LRP12: variants seen among roughly 807,000 people sequenced by gnomAD.
The protein encoded by LRP12 is low-density lipoprotein receptor-related protein 12.
LRP12 carries 14 observed loss-of-function variants against 66.0 expected under a neutral mutation model. That is an observed-to-expected ratio of 0.21 (90% CI 0.14 to 0.33). The LOEUF is 0.33. Ranked by LOEUF, LRP12 falls within the 10% of genes least tolerant of loss-of-function variation. The pLI is 1.00. For synonymous variants in LRP12, 357 were observed against 359.1 expected (o/e 0.99, Z 0.07); for missense variants, 889 against 1,053.4 (o/e 0.84, Z 2.16).
intron 1 of LRP12, among the ~76,000 whole-genome samples, chr8:104,556,557 C>G (rs1811811550): frequency 6.6e-6 from 1 of 151,884 alleles, no homozygotes; most frequent in South Asian, 2.1e-4. Context: ...GAATAAATTC[C>G]TGAAAAATAG....
Position 104,497,417 on chromosome 8 carries a change from C to T in LRP12, c.1135G>A (p.Glu379Lys). ...YQVDGFCLPW[E>K]IPCGGNWGCY... Reference sequence around the variant, plus strand: ...CCCCAGTTACCTCCACAGGGTATTTCCCATGGCAAACAGAACCCATCTACT... The same window carrying T: ...CCCCAGTTACCTCCACAGGGTATTTTCCATGGCAAACAGAACCCATCTACT... Residue 379 changes from glutamate (E) to lysine (K), a missense_variant, in exon 5 of 7, where the codon GAA becomes AAA. This residue lies in a region of LRP12 where 800 missense variants were observed against 964.5 expected (regional missense o/e 0.83). Coordinates refer to ENST00000276654, the MANE Select transcript of LRP12 (RefSeq NM_013437.5). This position sits in a 1 kb window ranked among gnomAD's most constrained non-coding sequence, Gnocchi z 4.3. The T allele has an allele frequency of 1.2e-6, 2 of 1,614,102 alleles. No individual in the cohort carries two copies. The highest frequency in any genetic ancestry group is 2.7e-5 in the African/African-American group (2 of 75,036).
chr8:104,491,324 A>G lies in LRP12; in HGVS notation c.1929T>C (p.Thr643=). 6.2e-7 allele frequency: 1 copy of G among 1,614,160 alleles called. No individual in the cohort carries two copies. Among genetic ancestry groups the G allele is most frequent in the East Asian group, 2.2e-5 (1 of 44,882 alleles). ...ACTCCACGGAAAACAAACTTCTGTG[A>G]GTATGATTTCTCTCAGGTTCTCTAC... ...STSREPERNH[T]HRSLFSVESD... is the part of the protein sequence containing the mutation. Residue 643 remains threonine (T), a synonymous_variant, in exon 7 of 7, where the codon ACT becomes ACC. Transcript: ENST00000276654.
At chr8:104,536,048 A>G (rs1811388988) in intron 1 of LRP12, among the ~76,000 whole-genome samples, 1 of 152,112 alleles carries the variant, frequency 6.6e-6, no homozygotes, top group African/African-American at 2.4e-5. Flanking sequence ...AAACACATAT[A>G]TAAACATATA....
At position 104,515,861 on chromosome 8, in the gene LRP12, T is replaced by C. The variant is rs1029722573; in HGVS notation, c.137-6787A>G. Among the ~76,000 whole-genome samples, 25 of 152,346 alleles carry C rather than the reference T, an allele frequency of 1.6e-4. 2 individuals are homozygous for C. The highest frequency in any genetic ancestry group is 1.4e-3 in the Admixed American group (22 of 15,302). ...TTCTCTCAGAAGCCTTGTTAGTCTTTGTTCATTTTGCTTCCTTAATACATC... is the reference window on the plus strand; with the variant it reads ...TTCTCTCAGAAGCCTTGTTAGTCTTCGTTCATTTTGCTTCCTTAATACATC... On this transcript the variant is annotated intron_variant, in intron 2 of 6. Coordinates refer to ENST00000276654, the MANE Select transcript of LRP12 (RefSeq NM_013437.5).
intron 2 of LRP12, among the ~76,000 whole-genome samples, chr8:104,516,063 T>C (rs1327764425): frequency 6.6e-6 from 1 of 152,136 alleles, no homozygotes; most frequent in Non-Finnish European, 1.5e-5. Flanking sequence ...CAGTATCAAC[T>C]TTTTGTTTTA....
At chr8:104,586,146 G>C (rs1261752661) in intron 1 of LRP12, among the ~76,000 whole-genome samples, 1 of 152,134 alleles carries the variant, frequency 6.6e-6, no homozygotes, top group African/African-American at 2.4e-5. Flanking sequence ...ACAGGTCCTT[G>C]AACAACTACT....
chr8:104,537,668 A>G (rs1811409527), intron 1 of LRP12, among the ~76,000 whole-genome samples: 1 of 152,228 alleles, frequency 6.6e-6, no homozygotes, highest in Non-Finnish European at 1.5e-5. Context: ...GTGGGAATAT[A>G]AAATAGTACA....
At chr8:104,571,302 CAAGT>C (rs1020049319) in intron 1 of LRP12, among the ~76,000 whole-genome samples, 2 of 152,126 alleles carry the variant, frequency 1.3e-5, no homozygotes, top group Admixed American at 6.5e-5. Context: ...AGCACAGCAG[CAAGT>C]GAGTGGTGGG....
At chr8:104,499,546 T>G (rs757535297) in intron 3 of LRP12, 27 bp from the exon 4 acceptor site, 1 of 1,537,018 alleles carries the variant, frequency 6.5e-7, no homozygotes, top group Admixed American at 1.9e-5. Flanking sequence ...AAATGTCTAT[T>G]AAAAAGTCAA....
intron 1 of LRP12, among the ~76,000 whole-genome samples, chr8:104,586,646 T>C (rs1588514589): frequency 6.6e-6 from 1 of 152,184 alleles, no homozygotes; most frequent in Non-Finnish European, 1.5e-5. Flanking sequence ...ATTCCCACTA[T>C]TGTTATAGAA....
At chr8:104,578,879 C>T (rs756393800) in intron 1 of LRP12, among the ~76,000 whole-genome samples, 4 of 152,104 alleles carry the variant, frequency 2.6e-5, no homozygotes, top group Non-Finnish European at 4.4e-5. Context: ...ACTCCACACC[C>T]CTTCATATTA....
intron 1 of LRP12, among the ~76,000 whole-genome samples, chr8:104,536,546 G>A (rs780254518): frequency 6.6e-6 from 1 of 151,976 alleles, no homozygotes; most frequent in Non-Finnish European, 1.5e-5. Flanking sequence ...GTAAGTAAGA[G>A]GCATGCAGAA....
chr8:104,533,943 C>T (rs1215653882), intron 1 of LRP12, among the ~76,000 whole-genome samples: 1 of 151,858 alleles, frequency 6.6e-6, no homozygotes, highest in African/African-American at 2.4e-5. Context: ...GATTCTAAAA[C>T]CAGCTCCATT....
intron 1 of LRP12, among the ~76,000 whole-genome samples, chr8:104,569,622 T>G (rs1223002185): frequency 6.6e-6 from 1 of 152,042 alleles, no homozygotes; most frequent in African/African-American, 2.4e-5. Flanking sequence ...TAATAAAGAT[T>G]CATAATAAAA....
At chr8:104,518,983 G>GT (rs957197638) in intron 2 of LRP12, among the ~76,000 whole-genome samples, 4 of 152,066 alleles carry the variant, frequency 2.6e-5, no homozygotes, top group Admixed American at 6.6e-5. Flanking sequence ...GTGACCAACT[G>GT]TTGGAATCTG....
At chr8:104,548,143 A>T (rs1359124716) in intron 1 of LRP12, among the ~76,000 whole-genome samples, 1 of 89,246 alleles carries the variant, frequency 1.1e-5, no homozygotes, top group Non-Finnish European at 1.9e-5. Flanking sequence ...AATTATAATT[A>T]TATTATATAT....
intron 4 of LRP12, among the ~76,000 whole-genome samples, chr8:104,499,070 T>C (rs1249405558): frequency 6.6e-6 from 1 of 152,216 alleles, no homozygotes; most frequent in Non-Finnish European, 1.5e-5. Flanking sequence ...AGAATAAATG[T>C]ATTTAAGATG....
At chr8:104,583,887 G>A (rs1812292176) in intron 1 of LRP12, among the ~76,000 whole-genome samples, 1 of 152,136 alleles carries the variant, frequency 6.6e-6, no homozygotes, top group Non-Finnish European at 1.5e-5. Flanking sequence ...GTACTTGTAA[G>A]TAAATAAGTG....
chr8:104,530,373 C>A (rs1811307576), intron 2 of LRP12, among the ~76,000 whole-genome samples: 1 of 152,046 alleles, frequency 6.6e-6, no homozygotes, highest in Non-Finnish European at 1.5e-5. Context: ...AAGGATGGGA[C>A]CCTAATACCA....
Sources: allele counts gnomAD v4.1 joint callset (sites outside exome capture counted in the v4.1 genomes callset), GRCh38; gene constraint gnomAD v4.1.1; regional missense constraint gnomAD v4.1.1; non-coding constraint Gnocchi (gnomAD v3.1); transcripts MANE v1.5; gene names NCBI Gene and HGNC (gene_info 2026-07-23, HGNC 2026-07-21).